TMEM229B: variants seen among roughly 807,000 people sequenced by gnomAD.
TMEM229B encodes the protein chromosome 14 open reading frame 83.
In TMEM229B, 6 loss-of-function variants were observed where a neutral mutation model predicts 13.7. That is an observed-to-expected ratio of 0.44 (90% CI 0.24 to 0.86). The LOEUF (loss-of-function observed/expected upper bound fraction) is 0.86. Among genes scored for constraint, TMEM229B ranks in the 40% least tolerant of loss-of-function variants. TMEM229B has a pLI of 0.23. For missense variants in TMEM229B, 170 were observed against 236.0 expected (o/e 0.72, Z 1.83); for synonymous variants, 107 against 102.1 (o/e 1.05, Z -0.29).
intron 1 of TMEM229B, among the ~76,000 whole-genome samples, chr14:67,530,170 A>G (rs926117907): frequency 2.0e-5 from 3 of 152,216 alleles, no homozygotes; most frequent in Non-Finnish European, 2.9e-5. Flanking sequence ...ACTCCAGCCA[A>G]TATTTGTTCA....
chr14:67,474,233 C>T (rs1166660951), intron 2 of TMEM229B, among the ~76,000 whole-genome samples: 2 of 149,794 alleles, frequency 1.3e-5, no homozygotes, highest in Non-Finnish European at 3.0e-5. Context: ...GCCTGGGAGA[C>T]AGAGTGAGAC....
rs909396272 is a variant in TMEM229B at position 67,481,908 on chromosome 14, G to A, written c.-19+5092C>T. On this transcript the variant is annotated intron_variant, in intron 2 of 2. Coordinates refer to ENST00000554480, the MANE Select transcript of TMEM229B (RefSeq NM_001348543.2). ...AAAACTGTCCTGAGACCTGTGACAT[G>A]AAGATAGGACAGCCCAGGAACAGAA... Among the ~76,000 whole-genome samples, 11 of 152,238 alleles carry A rather than the reference G, an allele frequency of 7.2e-5. No homozygotes were observed. The South Asian group carries it at 2.1e-3, about 29-fold the overall frequency.
At chr14:67,519,296 T>C (rs1453159307), upstream of TMEM229B, among the ~76,000 whole-genome samples, 1 of 152,212 alleles carries the variant, frequency 6.6e-6, no homozygotes, top group Non-Finnish European at 1.5e-5. Flanking sequence ...TATGATCAGA[T>C]GGCTCGCATA....
rs756848579 is a variant in TMEM229B at position 67,473,792 on chromosome 14, G to T, written c.132C>A (p.Val44=). The T allele has an allele frequency of 1.2e-4, 195 of 1,613,852 alleles. No homozygotes were observed. Among genetic ancestry groups the T allele is most frequent in the Non-Finnish European group, 2.5e-5 (29 of 1,179,974 alleles). Residue 44 remains valine, a synonymous_variant, in exon 3 of 3, where the codon GTC becomes GTA. Transcript: ENST00000554480. This position sits in a 1 kb window ranked among gnomAD's most constrained non-coding sequence, Gnocchi z 6.5. ...VVNLNWKFPG[V]TSVWALFIYG... ...AGATGAAGAGGGCCCACACGCTCGT[G>T]ACCCCAGGGAACTTCCAGTTCAAGT...
intron 2 of TMEM229B, among the ~76,000 whole-genome samples, chr14:67,483,411 C>T (rs56153851): frequency 5.3e-5 from 8 of 152,318 alleles, no homozygotes; most frequent in East Asian, 1.9e-4. Context: ...GCACTGCCCC[C>T]GAGGCTGACT....
Position 67,486,377 on chromosome 14 carries a change from C to T in TMEM229B, c.-19+623G>A, listed in dbSNP as rs139329470. On this transcript the variant is annotated intron_variant, in intron 2 of 2. Coordinates refer to ENST00000554480, the MANE Select transcript of TMEM229B (RefSeq NM_001348543.2). ...GCAACCTCTGCCTCCCAGGTTCAAG[C>T]GATTCTCCTGCCTCAGCCTCCTGAA... 3.2e-3 allele frequency among the ~76,000 whole-genome samples: 486 copies of T among 152,360 alleles called. 3 individuals are homozygous for T. The highest frequency in any genetic ancestry group is 6.5e-3 in the African/African-American group (271 of 41,592).
upstream of TMEM229B, among the ~76,000 whole-genome samples, chr14:67,492,219 C>G (rs554489705): frequency 6.6e-6 from 1 of 152,302 alleles, no homozygotes; most frequent in Non-Finnish European, 1.5e-5. Flanking sequence ...CCATTCCCAC[C>G]CCCGGCAATC....
intron 1 of TMEM229B, among the ~76,000 whole-genome samples, chr14:67,502,514 A>C (rs1241523030): frequency 7.2e-6 from 1 of 138,882 alleles, no homozygotes; most frequent in Non-Finnish European, 1.5e-5. Flanking sequence ...GTGCAATGGC[A>C]TGATCTCAGC....
chr14:67,494,677 G>A (rs551200040), intron 1 of TMEM229B, among the ~76,000 whole-genome samples: 5 of 152,156 alleles, frequency 3.3e-5, no homozygotes, highest in East Asian at 1.9e-4. Context: ...GTCCACAGCC[G>A]GTGATGGCTG....
chr14:67,480,855 TGGTAACAGACGGGA>T (rs2031543120), intron 2 of TMEM229B, among the ~76,000 whole-genome samples: 1 of 152,128 alleles, frequency 6.6e-6, no homozygotes, highest in African/African-American at 2.4e-5. Context: ...GTTTCCCAGC[TGGTAACAGACGGGA>T]GGGTCCAGTC....
At chr14:67,476,708 G>A (rs1222110507) in intron 2 of TMEM229B, among the ~76,000 whole-genome samples, 1 of 152,170 alleles carries the variant, frequency 6.6e-6, no homozygotes, top group Non-Finnish European at 1.5e-5. Flanking sequence ...ATATCCCAGG[G>A]CCAGTAAATG....
intron 2 of TMEM229B, among the ~76,000 whole-genome samples, chr14:67,478,047 G>A (rs1023813772): frequency 4.6e-5 from 7 of 152,298 alleles, no homozygotes; most frequent in African/African-American, 1.4e-4. Flanking sequence ...GTTAGCAATC[G>A]CCATATAACA....
At chr14:67,518,583 C>G (rs1400989711), upstream of TMEM229B, among the ~76,000 whole-genome samples, 1 of 152,232 alleles carries the variant, frequency 6.6e-6, no homozygotes, top group Non-Finnish European at 1.5e-5. Context: ...TTTCAAGTAT[C>G]TTTGTATCTC....
At chr14:67,530,265 C>G (rs537734970) in intron 1 of TMEM229B, among the ~76,000 whole-genome samples, 1 of 152,166 alleles carries the variant, frequency 6.6e-6, no homozygotes, top group Non-Finnish European at 1.5e-5. Flanking sequence ...TTTCAACAAC[C>G]CTAAGAGGCC....
chr14:67,517,430 A>G (rs1011546060), upstream of TMEM229B, among the ~76,000 whole-genome samples: 1 of 152,256 alleles, frequency 6.6e-6, no homozygotes. Context: ...ACCCGCAAAA[A>G]TGTATGAATT....
At chr14:67,493,126 A>G (rs1271775766), upstream of TMEM229B, among the ~76,000 whole-genome samples, 1 of 152,216 alleles carries the variant, frequency 6.6e-6, no homozygotes, top group Admixed American at 6.5e-5. Context: ...CTGAAGTAGG[A>G]GAAAGTTAGA....
intron 1 of TMEM229B, among the ~76,000 whole-genome samples, chr14:67,507,893 C>A (rs906679700): frequency 1.3e-5 from 2 of 152,166 alleles, no homozygotes; most frequent in Non-Finnish European, 2.9e-5. Context: ...AGTCCCAGCA[C>A]TTTGGGAGGC....
chr14:67,473,556 G>A lies in TMEM229B; in HGVS notation c.368C>T (p.Pro123Leu), dbSNP rs371268620. 10 of 1,613,636 alleles carry A rather than the reference G, an allele frequency of 6.2e-6. No individual in the cohort carries two copies. The highest frequency in any genetic ancestry group is 8.5e-6 in the Non-Finnish European group (10 of 1,179,812). ...MGLITLEYAV[P>L]WFCGALIMEQ... ...CATGATGAGGGCCCCGCAGAACCAG[G>A]GCACGGCGTACTCCAGGGTGATGAG... is the stretch of plus-strand genomic sequence containing the variant. Residue 123 changes from proline (P) to leucine (L), a missense_variant, in exon 3 of 3, where the codon CCC (proline) becomes CTC (leucine). Physicochemically the swap from Pro to Leu is moderately conservative, Grantham distance 98. This residue lies in a region of TMEM229B where 7 missense variants were observed against 24.5 expected (regional missense o/e 0.29). Coordinates refer to ENST00000554480, the MANE Select transcript of TMEM229B (RefSeq NM_001348543.2). This position sits in a 1 kb window ranked among gnomAD's most constrained non-coding sequence, Gnocchi z 6.5.
chr14:67,507,295 G>A (rs2140224218), intron 1 of TMEM229B, among the ~76,000 whole-genome samples: 1 of 152,190 alleles, frequency 6.6e-6, no homozygotes, highest in Non-Finnish European at 1.5e-5. Flanking sequence ...GCTACAGTGA[G>A]CTATGATTAT....
Sources: allele counts gnomAD v4.1 joint callset (sites outside exome capture counted in the v4.1 genomes callset), GRCh38; gene constraint gnomAD v4.1.1; regional missense constraint gnomAD v4.1.1; non-coding constraint Gnocchi (gnomAD v3.1); transcripts MANE v1.5; gene names NCBI Gene and HGNC (gene_info 2026-07-23, HGNC 2026-07-21).